The following CAMTA1 variants were observed in gnomAD, a reference collection of about 807,000 sequenced individuals.
CAMTA1 encodes calmodulin binding transcription activator 1.
In CAMTA1, 27 loss-of-function variants were observed where a neutral mutation model predicts 170.9. The ratio of observed to expected loss-of-function variants is 0.16; its 90% CI spans 0.12 to 0.22. CAMTA1 has a LOEUF of 0.22. CAMTA1 is among the 10% of genes least tolerant of loss of function. The pLI is 1.00. For missense variants in CAMTA1, 1,619 were observed against 2,217.2 expected (o/e 0.73, Z 5.42); for synonymous variants, 833 against 891.5 (o/e 0.93, Z 1.17).
At chr1:6,914,534 A>T (rs756128564) in intron 3 of CAMTA1, among the ~76,000 whole-genome samples, 1 of 152,246 alleles carries the variant, frequency 6.6e-6, no homozygotes, top group African/African-American at 2.4e-5. Context: ...ACACACGGCT[A>T]TCGGCTGCCC....
At chr1:7,683,068 G>T (rs942767318) in intron 11 of CAMTA1, among the ~76,000 whole-genome samples, 10 of 151,956 alleles carry the variant, frequency 6.6e-5, no homozygotes, top group African/African-American at 2.2e-4. Context: ...CCAGCTACTC[G>T]GGAGGCTGAG....
chr1:7,574,608 A>C (rs973424574), intron 6 of CAMTA1, among the ~76,000 whole-genome samples: 3 of 152,172 alleles, frequency 2.0e-5, no homozygotes, highest in African/African-American at 7.2e-5. Flanking sequence ...CATTTTCCAG[A>C]GAACACGGGC....
At position 7,572,324 on chromosome 1, in the gene CAMTA1, G is replaced by A. The variant is rs150366954; in HGVS notation, c.511-68076G>A. Among the ~76,000 whole-genome samples the A allele has an allele frequency of 4.9e-3, 740 of 152,244 alleles. 5 individuals are homozygous for A. The highest frequency in any genetic ancestry group is 0.017 in the African/African-American group (686 of 41,528). On this transcript the variant is annotated intron_variant, in intron 6 of 22. Transcript: ENST00000303635. ...CTCTGTTGACAGTTTCCTTTGCTGC[G>A]CAGAAGCTCTTTAGTTTAATTAGAT...
At position 7,596,413 on chromosome 1, in the gene CAMTA1, A is replaced by G. The variant is rs556499022; in HGVS notation, c.511-43987A>G. Among the ~76,000 whole-genome samples, 12 of 152,316 alleles carry G rather than the reference A, an allele frequency of 7.9e-5. No homozygotes were observed. In the South Asian group the frequency reaches 2.3e-3, roughly 29 times the overall value. On this transcript the variant is annotated intron_variant, in intron 6 of 22. Transcript: ENST00000303635. ...AGGCTTCTTGGCCCCGAATCTGCCC[A>G]GCATTTCTCCCACCCCCATGCCTGC...
chr1:7,181,123 T>C (rs1652068233), intron 4 of CAMTA1, among the ~76,000 whole-genome samples: 1 of 152,202 alleles, frequency 6.6e-6, no homozygotes, highest in Non-Finnish European at 1.5e-5. Context: ...TAGTGTACTA[T>C]ATTAAGGTAT....
intron 6 of CAMTA1, among the ~76,000 whole-genome samples, chr1:7,537,273 C>T (rs980251793): frequency 1.3e-5 from 2 of 152,294 alleles, no homozygotes; most frequent in African/African-American, 2.4e-5. Context: ...ATCCTTTGCC[C>T]GTCGGCAGCC....
chr1:7,717,611 G>C (rs1006881192), intron 11 of CAMTA1, among the ~76,000 whole-genome samples: 2 of 152,054 alleles, frequency 1.3e-5, no homozygotes, highest in Non-Finnish European at 2.9e-5. Flanking sequence ...GCCAGGCGTG[G>C]TGGTGCATGC....
chr1:6,916,626 C>T (rs983285925), intron 3 of CAMTA1, among the ~76,000 whole-genome samples: 2 of 152,178 alleles, frequency 1.3e-5, no homozygotes, highest in African/African-American at 4.8e-5. Flanking sequence ...ACTTTCTCCA[C>T]AAGCTTGTTC....
chr1:6,986,646 T>C (rs1241191581), intron 3 of CAMTA1, among the ~76,000 whole-genome samples: 2 of 152,024 alleles, frequency 1.3e-5, no homozygotes, highest in Non-Finnish European at 2.9e-5. Flanking sequence ...TGCAGAGAAA[T>C]GCCATCTTCT....
chr1:7,694,771 C>G (rs890659686), intron 11 of CAMTA1: 2 of 152,454 alleles, frequency 1.3e-5, no homozygotes. Flanking sequence ...GTCCCCTCCT[C>G]GATGGCTACT....
At chr1:7,564,712 G>A (rs1362830299) in intron 6 of CAMTA1, among the ~76,000 whole-genome samples, 1 of 152,074 alleles carries the variant, frequency 6.6e-6, no homozygotes, top group Non-Finnish European at 1.5e-5. Flanking sequence ...TGCCCTCCCA[G>A]TGTCCAGTGG....
At chr1:7,398,187 CTCTCTCTATATATATATATA>C (rs1257578873) in intron 5 of CAMTA1, among the ~76,000 whole-genome samples, 50 of 38,216 alleles carry the variant, frequency 1.3e-3, no homozygotes, top group African/African-American at 4.5e-3. Flanking sequence ...CTCTCTCTCT[CTCTCTCTATATATATATATA>C]TATATATATA....
At position 7,201,044 on chromosome 1, in the gene CAMTA1, A is replaced by G. The variant is rs12081829; in HGVS notation, c.303-48447A>G. ...CATGTTATGTAGCCATCACTTCACTATCTCCCCATCCACACTCCCCACCGC... is the reference window on the plus strand; with the variant it reads ...CATGTTATGTAGCCATCACTTCACTGTCTCCCCATCCACACTCCCCACCGC... On this transcript the variant is annotated intron_variant, in intron 4 of 22. Transcript: ENST00000303635. Among the ~76,000 whole-genome samples, 100 of 152,220 alleles carry G rather than the reference A, an allele frequency of 6.6e-4. 1 individual carries two copies. Among genetic ancestry groups the G allele is most frequent in the African/African-American group, 2.2e-3 (92 of 41,532 alleles).
chr1:6,896,527 T>C (rs1675703823), intron 3 of CAMTA1, among the ~76,000 whole-genome samples: 1 of 152,172 alleles, frequency 6.6e-6, no homozygotes, highest in African/African-American at 2.4e-5. Flanking sequence ...AAGATAGAGA[T>C]ATTTGCGGAA....
At chr1:7,453,086 C>T (rs993368306) in intron 5 of CAMTA1, among the ~76,000 whole-genome samples, 1 of 152,248 alleles carries the variant, frequency 6.6e-6, no homozygotes, top group Non-Finnish European at 1.5e-5. Context: ...AAAGCTGCTG[C>T]TGGGACAGGA....
At chr1:7,484,207 G>A (rs145085526) in intron 6 of CAMTA1, among the ~76,000 whole-genome samples, 2 of 152,134 alleles carry the variant, frequency 1.3e-5, no homozygotes, top group South Asian at 4.1e-4. Flanking sequence ...GCACAGAGGG[G>A]GGCCCACCTC....
chr1:7,271,230 G>A (rs72641275), intron 5 of CAMTA1, among the ~76,000 whole-genome samples: 34,521 of 152,058 alleles, frequency 0.23, 4,376 homozygotes, highest in Admixed American at 0.32. Flanking sequence ...AGCACAGACC[G>A]AGGAAAGAGG....
chr1:6,909,594 C>T (rs947814532), intron 3 of CAMTA1, among the ~76,000 whole-genome samples: 2 of 152,172 alleles, frequency 1.3e-5, no homozygotes, highest in African/African-American at 4.8e-5. Context: ...ATGGGATTGG[C>T]GCAGCCCATG....
At chr1:7,311,466 T>C (rs1385434274) in intron 5 of CAMTA1, among the ~76,000 whole-genome samples, 1 of 152,236 alleles carries the variant, frequency 6.6e-6, no homozygotes, top group Non-Finnish European at 1.5e-5. Flanking sequence ...TCTCTACTTA[T>C]TTTCTGAAAC....
Sources: gnomAD v4.1 joint callset for allele counts (sites outside exome capture counted in the v4.1 genomes callset) on GRCh38, gnomAD v4.1.1 for gene constraint, MANE v1.5 for transcripts, NCBI Gene and HGNC (gene_info 2026-07-23, HGNC 2026-07-21) for gene names.